PTPN9: variants seen among roughly 807,000 people sequenced by gnomAD.
The protein encoded by PTPN9 is protein tyrosine phosphatase non-receptor type 9, also known as tyrosine-protein phosphatase non-receptor type 9.
Under a neutral mutation model 69.8 loss-of-function variants are expected in PTPN9, and 26 were observed. The ratio of observed to expected loss-of-function variants is 0.37; its 90% CI spans 0.27 to 0.52. The LOEUF (loss-of-function observed/expected upper bound fraction) is 0.52. Among genes scored for constraint, PTPN9 ranks in the 20% least tolerant of loss-of-function variants. PTPN9 has a pLI of 0.91. For synonymous variants in PTPN9, 274 were observed against 272.5 expected (o/e 1.01, Z -0.05); for missense variants, 549 against 740.3 (o/e 0.74, Z 3.00).
intron 1 of PTPN9, among the ~76,000 whole-genome samples, chr15:75,547,886 G>C (rs542131525): frequency 3.0e-4 from 46 of 152,048 alleles, no homozygotes; most frequent in African/African-American, 1.1e-3. Context: ...GGCTATTGTC[G>C]AACTCCTGAT....
chr15:75,501,456 C>T (rs1324366651), intron 7 of PTPN9, among the ~76,000 whole-genome samples: 12 of 139,952 alleles, frequency 8.6e-5, no homozygotes, highest in Admixed American at 7.3e-5. Context: ...CTCTTCTTTT[C>T]TTTCTTTCTT....
At chr15:75,512,486 G>A (rs2074849869) in intron 5 of PTPN9, among the ~76,000 whole-genome samples, 1 of 152,074 alleles carries the variant, frequency 6.6e-6, no homozygotes, top group South Asian at 2.1e-4. Context: ...AGTCACTGGA[G>A]CCAGCTTAAG....
intron 2 of PTPN9, among the ~76,000 whole-genome samples, chr15:75,524,715 T>C (rs1382363086): frequency 7.3e-6 from 1 of 137,488 alleles, no homozygotes; most frequent in Admixed American, 8.2e-5. Flanking sequence ...AAGGTGGAGG[T>C]TGCAGTAAGC....
intron 1 of PTPN9, among the ~76,000 whole-genome samples, chr15:75,576,832 A>T (rs1380069816): frequency 6.6e-6 from 1 of 152,066 alleles, no homozygotes; most frequent in Non-Finnish European, 1.5e-5. Context: ...ACAAACAAAA[A>T]ATCAAAACTC....
At position 75,473,669 on chromosome 15, in the gene PTPN9, G is replaced by A; in HGVS notation, c.1208+20C>T. ...GACAGAGTGGAGGTGGAGACCTTTG[G>A]AAAAAAGGGATTAACTCACCGGGTG... On this transcript the variant is annotated intron_variant, in intron 10 of 12. Coordinates refer to ENST00000618819, the MANE Select transcript of PTPN9 (RefSeq NM_002833.4). The A allele has an allele frequency of 6.5e-7, 1 of 1,531,386 alleles. No individual in the cohort carries two copies. The highest frequency in any genetic ancestry group is 1.4e-5 in the African/African-American group (1 of 73,036). 94.9% of individuals were successfully genotyped at this position (1,531,386 alleles called of 1,614,324 possible). A position where few individuals can be genotyped will look rare whatever the true frequency, so the allele number is the denominator to read the frequency against.
intron 8 of PTPN9, among the ~76,000 whole-genome samples, chr15:75,482,248 G>A (rs1460177331): frequency 1.3e-5 from 2 of 152,048 alleles, no homozygotes; most frequent in Non-Finnish European, 2.9e-5. Context: ...TTAAACAGAT[G>A]CTTGAAGGCA....
chr15:75,572,581 G>T (rs1027711842), intron 1 of PTPN9, among the ~76,000 whole-genome samples: 7 of 151,932 alleles, frequency 4.6e-5, no homozygotes, highest in African/African-American at 1.7e-4. Context: ...CGGGTGTGAT[G>T]GTGCATGCCT....
intron 5 of PTPN9, among the ~76,000 whole-genome samples, chr15:75,514,317 G>A (rs763634562): frequency 1.3e-5 from 2 of 152,054 alleles, no homozygotes; most frequent in East Asian, 1.9e-4. Context: ...AGTGGTTCAC[G>A]CCTGTAATCC....
At position 75,505,974 on chromosome 15, in the gene PTPN9, C is replaced by G. The variant is rs760119034; in HGVS notation, c.669G>C (p.Thr223=). ...RIQILKTSEV[T]QHLPRECLPE... ...GAAGACACTCCCTGGGCAGATGCTG[C>G]GTGACCTCAGATGTCTTTAATATTT... is the stretch of plus-strand genomic sequence containing the variant. Residue 223 remains threonine (T), a synonymous_variant, in exon 7 of 13, where the codon ACG becomes ACC. Transcript: ENST00000618819. 1 of 1,613,490 alleles carries G rather than the reference C, an allele frequency of 6.2e-7. No individual in the cohort carries two copies. Among genetic ancestry groups the G allele is most frequent in the Non-Finnish European group, 8.5e-7 (1 of 1,179,566 alleles).
At chr15:75,505,027 AG>A (rs1379306283) in intron 7 of PTPN9, among the ~76,000 whole-genome samples, 1 of 152,222 alleles carries the variant, frequency 6.6e-6, no homozygotes, top group Non-Finnish European at 1.5e-5. Context: ...AAGGGGGGAA[AG>A]GTGGGGAAAA....
At chr15:75,508,008 C>T (rs970308487) in intron 6 of PTPN9, among the ~76,000 whole-genome samples, 7 of 143,102 alleles carry the variant, frequency 4.9e-5, no homozygotes, top group Non-Finnish European at 9.0e-5. Flanking sequence ...TGCCACTGCA[C>T]TCCAGCCTAG....
intron 9 of PTPN9, among the ~76,000 whole-genome samples, chr15:75,474,768 C>T (rs2074586698): frequency 6.6e-6 from 1 of 152,166 alleles, no homozygotes. Context: ...ACAAAGACCA[C>T]GTCATCTTCT....
intron 1 of PTPN9, among the ~76,000 whole-genome samples, chr15:75,567,859 G>T (rs899558852): frequency 6.6e-6 from 1 of 152,042 alleles, no homozygotes; most frequent in African/African-American, 2.4e-5. Context: ...AGCCGGGCGT[G>T]GTGGCAGGCG....
rs1411172390 is a variant in PTPN9 at position 75,466,806 on chromosome 15, T to C, written c.*1963A>G. 4 of 152,108 alleles carry C rather than the reference T, an allele frequency of 2.6e-5. No homozygotes were observed. The highest frequency in any genetic ancestry group is 1.9e-4 in the East Asian group (1 of 5,194). 9.4% of individuals were successfully genotyped at this position (152,108 alleles called of 1,614,324 possible). A position where few individuals can be genotyped will look rare whatever the true frequency, so the allele number is the denominator to read the frequency against. On this transcript the variant is annotated 3_prime_UTR_variant, in exon 13 of 13. Transcript: ENST00000618819. ...CTGGACCTCACCTTCCTCATCTATATAGAAATGAGAAAGGGGTGCACAGGA... is the reference window on the plus strand; with the variant it reads ...CTGGACCTCACCTTCCTCATCTATACAGAAATGAGAAAGGGGTGCACAGGA...
chr15:75,541,607 C>T (rs999198740), intron 1 of PTPN9, among the ~76,000 whole-genome samples: 17 of 151,764 alleles, frequency 1.1e-4, no homozygotes, highest in African/African-American at 3.6e-4. Context: ...GGGATTTCAC[C>T]GTGTTAGCCA....
intron 8 of PTPN9, among the ~76,000 whole-genome samples, chr15:75,485,859 G>A (rs1481882563): frequency 6.6e-6 from 1 of 151,034 alleles, no homozygotes; most frequent in Non-Finnish European, 1.5e-5. Context: ...CCAGCACTTT[G>A]GGAGGCCAAG....
At chr15:75,566,448 G>C (rs996886719) in intron 1 of PTPN9, among the ~76,000 whole-genome samples, 35 of 152,258 alleles carry the variant, frequency 2.3e-4, no homozygotes, top group Middle Eastern at 3.4e-3. Flanking sequence ...TTGGGAGGCC[G>C]AGGTGGGCAG....
chr15:75,571,746 T>C lies in PTPN9; in HGVS notation c.63+6968A>G, dbSNP rs568598064. Among the ~76,000 whole-genome samples the C allele has an allele frequency of 9.2e-5, 14 of 151,906 alleles. 1 individual carries two copies. Among genetic ancestry groups the C allele is most frequent in the Non-Finnish European group, 1.9e-4 (13 of 67,990 alleles). The stretch of plus-strand genomic sequence containing the variant: ...CCCATCTCTACTAAAATATAAAAAT[T>C]GGCCAGGCATGGTGGTGCATGCCAG... On this transcript the variant is annotated intron_variant, in intron 1 of 12. Transcript: ENST00000618819.
intron 1 of PTPN9, among the ~76,000 whole-genome samples, chr15:75,530,910 TAATA>T (rs2141324999): frequency 1.7e-5 from 2 of 118,410 alleles, no homozygotes; most frequent in African/African-American, 6.2e-5. Context: ...TTATATATTA[TAATA>T]TATATTTTTA....
Sources: allele counts gnomAD v4.1 joint callset (sites outside exome capture counted in the v4.1 genomes callset), GRCh38; gene constraint gnomAD v4.1.1; transcripts MANE v1.5; gene names NCBI Gene and HGNC (gene_info 2026-07-23, HGNC 2026-07-21).